CCT7: variants seen among roughly 807,000 people sequenced by gnomAD.
The protein encoded by CCT7 is chaperonin containing TCP1 subunit 7.
Under a neutral mutation model 56.6 loss-of-function variants are expected in CCT7, and 16 were observed. The observed-to-expected ratio is 0.28, with a 90% confidence interval of 0.19 to 0.43. The LOEUF (loss-of-function observed/expected upper bound fraction) is 0.43, where lower values mean the gene tolerates loss of function less well. CCT7 is among the 20% of genes least tolerant of loss of function. The pLI is 1.00. For synonymous variants in CCT7, 262 were observed against 254.8 expected (o/e 1.03, Z -0.27); for missense variants, 519 against 685.6 (o/e 0.76, Z 2.71).
In CCT7 at chr2:73,235,118, C is replaced by G. The variant is rs142417994; in HGVS notation, c.6+734C>G. Among the ~76,000 whole-genome samples the G allele has an allele frequency of 6.4e-3, 974 of 152,292 alleles. 8 individuals carry two copies. Among genetic ancestry groups the G allele is most frequent in the African/African-American group, 0.021 (876 of 41,554 alleles). On this transcript the variant is annotated intron_variant, in intron 1 of 11. Transcript: ENST00000258091. ...AAGAAAGGCTTTTCTAGTTGGCTAC[C>G]TAACTCTGGGTCTCGTTTTCTTGAA...
At position 73,252,862 on chromosome 2, in the gene CCT7, G is replaced by C. The variant is rs780508258; in HGVS notation, c.*1G>C. 2.4e-5 allele frequency: 39 copies of C among 1,611,668 alleles called. No individual in the cohort carries two copies. The highest frequency in any genetic ancestry group is 8.5e-6 in the Non-Finnish European group (10 of 1,178,426). On this transcript the variant is annotated 3_prime_UTR_variant, in exon 12 of 12. Transcript: ENST00000258091. The stretch of plus-strand genomic sequence containing the variant: ...CCGTGGTCGTGGCCGCCCCCACTGA[G>C]AGGCACCCCACCCATCACATGGCTG...
intron 6 of CCT7, among the ~76,000 whole-genome samples, chr2:73,245,595 G>A (rs954851031): frequency 7.9e-5 from 12 of 152,210 alleles, no homozygotes; most frequent in Middle Eastern, 3.2e-3. Context: ...GTCTGGAAAC[G>A]TCCTTGGTAT....
chr2:73,243,269 C>T (rs1687192882), intron 4 of CCT7, 140 bp downstream of exon 4: 4 of 860,794 alleles, frequency 4.6e-6, no homozygotes, highest in Non-Finnish European at 5.5e-6. Context: ...TTAGTAATCT[C>T]AGTTCTACTA....
intron 4 of CCT7, 87 bp from the exon 5 acceptor site, chr2:73,243,910 A>G: frequency 8.1e-7 from 1 of 1,228,672 alleles, no homozygotes; most frequent in Non-Finnish European, 1.2e-6. Flanking sequence ...TTGGGAGTGA[A>G]CAGACTCAGG....
intron 1 of CCT7, among the ~76,000 whole-genome samples, chr2:73,236,290 A>C (rs1203415989): frequency 2.0e-5 from 3 of 152,190 alleles, no homozygotes; most frequent in Non-Finnish European, 4.4e-5. Context: ...TGAAATTCCA[A>C]AACCTTCCAT....
chr2:73,250,059 C>T, intron 9 of CCT7, 143 bp downstream of exon 9: 1 of 724,568 alleles, frequency 1.4e-6, no homozygotes, highest in South Asian at 1.7e-5. Flanking sequence ...CACCTTTGAG[C>T]CATAAAGAGC....
chr2:73,240,742 C>T (rs893833235), intron 3 of CCT7, among the ~76,000 whole-genome samples, 199 bp downstream of exon 3: 4 of 152,104 alleles, frequency 2.6e-5, no homozygotes, highest in Non-Finnish European at 4.4e-5. Flanking sequence ...TCCATTAATA[C>T]ATTGGTGAAT....
chr2:73,239,497 G>A (rs1687012617), intron 1 of CCT7, 146 bp from the exon 2 acceptor site: 1 of 693,484 alleles, frequency 1.4e-6, no homozygotes, highest in East Asian at 2.8e-5. Context: ...TTGGGGAATG[G>A]ATGTGGTAGA....
intron 6 of CCT7, among the ~76,000 whole-genome samples, chr2:73,246,304 A>G (rs2103792879): frequency 6.6e-6 from 1 of 152,208 alleles, no homozygotes; most frequent in Middle Eastern, 3.4e-3. Flanking sequence ...CATTTTCTGT[A>G]TTTCTTGTCA....
In CCT7 at chr2:73,252,768, C is replaced by A; in HGVS notation, c.1539C>A (p.Ile513=). Residue 513 remains isoleucine, a synonymous_variant, in exon 12 of 12, where the codon ATC becomes ATA. Coordinates refer to ENST00000258091, the MANE Select transcript of CCT7 (RefSeq NM_006429.4). ...CAGCCTCTGAGGCTGCGTGCCTGAT[C>A]GTGTCTGTAGATGAAACCATCAAGA... ...LTAASEAACL[I]VSVDETIKNP... 2 of 1,614,098 alleles carry A rather than the reference C, an allele frequency of 1.2e-6. No individual in the cohort carries two copies. Among genetic ancestry groups the A allele is most frequent in the South Asian group, 1.1e-5 (1 of 91,082 alleles).
intron 5 of CCT7, chr2:73,244,342 T>C: frequency 3.3e-6 from 2 of 605,090 alleles, no homozygotes; most frequent in South Asian, 2.2e-5. Context: ...AGCTGTCGAC[T>C]GTAGTTTAAA....
At chr2:73,248,654 C>T (rs1687447925) in intron 7 of CCT7, among the ~76,000 whole-genome samples, 1 of 152,148 alleles carries the variant, frequency 6.6e-6, no homozygotes, top group Admixed American at 6.5e-5. Context: ...TGTGCCCGGC[C>T]AAAGGGGTCT....
intron 6 of CCT7, among the ~76,000 whole-genome samples, chr2:73,246,473 CTAT>C (rs1687341938): frequency 6.6e-6 from 1 of 152,196 alleles, no homozygotes. Flanking sequence ...CTTTCTGGTA[CTAT>C]TGCCACCCCT....
rs183350899 is a variant in CCT7 at position 73,238,452 on chromosome 2, C to G, written c.7-1191C>G. 4.1e-3 allele frequency among the ~76,000 whole-genome samples: 509 copies of G among 125,632 alleles called. 2 individuals carry two copies. The highest frequency in any genetic ancestry group is 0.015 in the African/African-American group (441 of 28,550). 82.4% of individuals were successfully genotyped at this position (125,632 alleles called of 152,430 possible). ...AATCAGCCTCATGAGTGGCAAGACT[C>G]TGTCTTTGGCAGGAATTCCTCACTC... On this transcript the variant is annotated intron_variant, in intron 1 of 11. Transcript: ENST00000258091.
intron 1 of CCT7, among the ~76,000 whole-genome samples, 191 bp downstream of exon 1, chr2:73,234,575 C>T (rs1686776881): frequency 6.6e-6 from 1 of 152,048 alleles, no homozygotes; most frequent in South Asian, 2.1e-4. Context: ...GAGCCGTTGG[C>T]GAGGGCTGCG....
chr2:73,240,531 C>T lies in CCT7; in HGVS notation c.255C>T (p.Ser85=). 2 of 1,596,620 alleles carry T rather than the reference C, an allele frequency of 1.3e-6. No homozygotes were observed. Among genetic ancestry groups the T allele is most frequent in the Non-Finnish European group, 8.5e-7 (1 of 1,170,880 alleles). Residue 85 remains serine (S), a synonymous_variant, in exon 3 of 12, where the codon TCC becomes TCT. Coordinates refer to ENST00000258091, the MANE Select transcript of CCT7 (RefSeq NM_006429.4). ...AAKTLVDIAK[S]QDAEVGDGTT... The stretch of plus-strand genomic sequence containing the variant: ...AGACTTTGGTAGACATTGCCAAATC[C>T]CAAGATGCTGAGGTAGGAAAATAGT...
At chr2:73,235,524 A>C in intron 1 of CCT7, 1 of 1,000,124 alleles carries the variant, frequency 1.0e-6, no homozygotes, top group Non-Finnish European at 1.2e-6. Context: ...ATTTAACAGT[A>C]CTTCCTCTCC....
Position 73,249,095 on chromosome 2 carries a change from G to A in CCT7, c.888G>A (p.Gly296=), listed in dbSNP as rs1687465584. 1 of 1,614,046 alleles carries A rather than the reference G, an allele frequency of 6.2e-7. No homozygotes were observed. Among genetic ancestry groups the A allele is most frequent in the Non-Finnish European group, 8.5e-7 (1 of 1,180,014 alleles). ...AKVVLSKLPI[G]DVATQYFADR... ...TTGTCTTGTCCAAACTCCCCATTGG[G>A]GATGTGGCCACCCAGTACTTTGCTG... Residue 296 remains glycine, a synonymous_variant, in exon 8 of 12, where the codon GGG becomes GGA. Coordinates refer to ENST00000258091, the MANE Select transcript of CCT7 (RefSeq NM_006429.4).
chr2:73,250,203 G>A lies in CCT7; in HGVS notation c.1071-103G>A, dbSNP rs150908909. 2.0e-4 allele frequency: 279 copies of A among 1,418,788 alleles called. 1 individual carries two copies. The African/African-American group carries it at 3.2e-3, about 16-fold the overall frequency. The allele number at this position is 1,418,788 out of a possible 1,614,324, so 87.9% of individuals were successfully genotyped here. A position where few individuals can be genotyped will look rare whatever the true frequency, so the allele number is the denominator to read the frequency against. ...GGATTGGGTAACCTGAGTGAAGAAT[G>A]TAAGAGCAGCTGCTGAGTGTTGGGG... On this transcript the variant is annotated intron_variant, in intron 9 of 11. Transcript: ENST00000258091.
Sources: allele counts gnomAD v4.1 joint callset (sites outside exome capture counted in the v4.1 genomes callset), GRCh38; gene constraint gnomAD v4.1.1; transcripts MANE v1.5; gene names NCBI Gene and HGNC (gene_info 2026-07-23, HGNC 2026-07-21).